GDPD3: variants seen among roughly 807,000 people sequenced by gnomAD.
GDPD3 encodes the protein lysophospholipase D GDPD3.
A neutral mutation model predicts 43.7 loss-of-function variants in GDPD3; 40 were observed. That is an observed-to-expected ratio of 0.91 (90% confidence interval 0.71 to 1.19). The LOEUF (loss-of-function observed/expected upper bound fraction) is 1.19, where lower values mean the gene tolerates loss of function less well. Among genes scored for constraint, GDPD3 ranks in the 50% most tolerant of loss-of-function variants. GDPD3 has a pLI of 0.00. For synonymous variants in GDPD3, 145 were observed against 162.9 expected (o/e 0.89, Z 0.84); for missense variants, 363 against 415.8 (o/e 0.87, Z 1.11).
chr16:30,110,328 G>A (rs1007018148), intron 7 of GDPD3, among the ~76,000 whole-genome samples: 9 of 152,062 alleles, frequency 5.9e-5, no homozygotes, highest in Admixed American at 4.6e-4. Context: ...CTACTCGGGA[G>A]GCTGAAGCAG....
In GDPD3 at chr16:30,112,926, C is replaced by A; in HGVS notation, c.182+96G>T. On this transcript the variant is annotated intron_variant, in intron 2 of 9. Transcript: ENST00000406256. This position sits in a 1 kb window ranked among gnomAD's most constrained non-coding sequence, Gnocchi z 5.4. ...CAGGCCACCTCCAGGGGGCGCCAGT[C>A]ACCCAGCTAGGAAGTGAATGGCGTC... is the stretch of plus-strand genomic sequence containing the variant. The A allele has an allele frequency of 1.3e-6, 2 of 1,493,846 alleles. No individual in the cohort carries two copies. Among genetic ancestry groups the A allele is most frequent in the Admixed American group, 1.8e-5 (1 of 56,348 alleles). 92.5% of individuals were successfully genotyped at this position (1,493,846 alleles called of 1,614,324 possible).
At chr16:30,111,215 A>G in intron 7 of GDPD3, 173 bp downstream of exon 7, 1 of 696,294 alleles carries the variant, frequency 1.4e-6, no homozygotes, top group Non-Finnish European at 2.5e-6. Flanking sequence ...ACAGAATTTC[A>G]GGGTGTTCAC....
chr16:30,111,350 A>G, intron 7 of GDPD3, 38 bp downstream of exon 7: 2 of 1,609,142 alleles, frequency 1.2e-6, no homozygotes, highest in Non-Finnish European at 1.7e-6. Flanking sequence ...GACCCTAAGC[A>G]GTGGGGAGTT....
At position 30,112,555 on chromosome 16, in the gene GDPD3, T is replaced by G. The variant is rs2072910551; in HGVS notation, c.332A>C (p.Tyr111Ser). 1 of 1,613,706 alleles carries G rather than the reference T, an allele frequency of 6.2e-7. No individual in the cohort carries two copies. Among genetic ancestry groups the G allele is most frequent in the Admixed American group, 1.7e-5 (1 of 59,956 alleles). Reference sequence around the variant, plus strand: ...GAAGTAAACCTCCAGCTTCTCCTTGTAGAGGGGCAGGTCCTGGGGAGGACA... The same window carrying G: ...GAAGTAAACCTCCAGCTTCTCCTTGGAGAGGGGCAGGTCCTGGGGAGGACA... ...GSLDFEDLPL[Y>S]KEKLEVYFSP... The change falls in exon 4 of 10, where the codon TAC (tyrosine) becomes TCC (serine). Residue 111 changes from tyrosine (Y) to serine (S), a missense_variant. By Grantham distance (144) the Tyr-to-Ser change is moderately radical. Coordinates refer to ENST00000406256, the MANE Select transcript of GDPD3 (RefSeq NM_024307.3). This position sits in a 1 kb window ranked among gnomAD's most constrained non-coding sequence, Gnocchi z 5.4.
chr16:30,111,385 T>TA lies in GDPD3; in HGVS notation c.707+2dup, dbSNP rs747199159. ...TTTTCTGAGGTCCGCCCCCCACTGG[T>TA]ACCTGTTGATGATGTTGGGCAGGAA... On this transcript the variant is annotated splice_region_variant and intron_variant, in intron 7 of 9. Transcript: ENST00000406256. The TA allele has an allele frequency of 1.2e-6, 2 of 1,613,566 alleles. No individual in the cohort carries two copies. Among genetic ancestry groups the TA allele is most frequent in the Non-Finnish European group, 1.7e-6 (2 of 1,179,822 alleles).
intron 9 of GDPD3, chr16:30,107,986 GACACACACAC>G (rs113091799): frequency 7.4e-5 from 20 of 269,188 alleles, no homozygotes; most frequent in Admixed American, 1.6e-4. Context: ...TGAGACTCTT[GACACACACAC>G]ACACACACAC....
intron 7 of GDPD3, among the ~76,000 whole-genome samples, chr16:30,109,028 C>T (rs2072880877): frequency 6.6e-6 from 1 of 152,076 alleles, no homozygotes; most frequent in South Asian, 2.1e-4. Flanking sequence ...GACAGGGTTT[C>T]ACCCTGTTAG....
At chr16:30,106,066 A>G (rs1471025047) in intron 9 of GDPD3, among the ~76,000 whole-genome samples, 2 of 151,990 alleles carry the variant, frequency 1.3e-5, no homozygotes, top group African/African-American at 4.8e-5. Flanking sequence ...AGCTGAGATC[A>G]CGCCATTGCA....
chr16:30,109,413 G>A (rs1292374309), intron 7 of GDPD3, among the ~76,000 whole-genome samples: 1 of 152,202 alleles, frequency 6.6e-6, no homozygotes, highest in Non-Finnish European at 1.5e-5. Flanking sequence ...GGAGGCTGAG[G>A]CAGGAGAATT....
intron 6 of GDPD3, 184 bp from the exon 7 acceptor site, chr16:30,111,705 G>A (rs1385193220): frequency 3.2e-6 from 2 of 618,668 alleles, no homozygotes; most frequent in Non-Finnish European, 2.8e-6. Flanking sequence ...GGCTGAGGCA[G>A]GTGGATCACC....
intron 9 of GDPD3, chr16:30,107,994 C>G: frequency 2.5e-6 from 1 of 394,410 alleles, no homozygotes; most frequent in Non-Finnish European, 4.6e-6. Flanking sequence ...TTGACACACA[C>G]ACACACACAC....
chr16:30,104,879 G>T lies in GDPD3; in HGVS notation c.950C>A (p.Thr317Asn). Residue 317 changes from threonine to asparagine, a missense_variant, in exon 10 of 10, where the codon ACC becomes AAC. Transcript: ENST00000406256. Reference sequence around the variant, plus strand: ...ACCTCGAGGCTTCTGGACTTAGGAGGTCCGGGCAGCTGGTCCATGGTTGTC... The same window carrying T: ...ACCTCGAGGCTTCTGGACTTAGGAGTTCCGGGCAGCTGGTCCATGGTTGTC... Reference protein sequence around the residue: ...YLDNHGPAARTS With the variant: ...YLDNHGPAARNS The T allele has an allele frequency of 6.2e-7, 1 of 1,612,470 alleles. No homozygotes were observed. Among genetic ancestry groups the T allele is most frequent in the Non-Finnish European group, 8.5e-7 (1 of 1,180,002 alleles).
rs751303893 is a variant in GDPD3, at chr16:30,113,524, C to T, written c.-46G>A. On this transcript the variant is annotated 5_prime_UTR_variant, in exon 1 of 10. Transcript: ENST00000406256. This position sits in a 1 kb window ranked among gnomAD's most constrained non-coding sequence, Gnocchi z 5.9. ...TCCTGCAGCCACACGCTCAGCCGTC[C>T]GCGGGACTGTGCTGCCTGCCTAGCC... 4.2e-5 allele frequency: 63 copies of T among 1,496,748 alleles called. No individual in the cohort carries two copies. In the East Asian group the frequency reaches 5.8e-4, roughly 14 times the overall value. 92.7% of individuals were successfully genotyped at this position (1,496,748 alleles called of 1,614,324 possible).
At chr16:30,108,495 G>A in intron 7 of GDPD3, 63 bp from the exon 8 acceptor site, 1 of 1,498,210 alleles carries the variant, frequency 6.7e-7, no homozygotes. Context: ...GGTGGGGTGG[G>A]CTGGTAGTGC....
intron 9 of GDPD3, among the ~76,000 whole-genome samples, chr16:30,106,338 G>T (rs376497139): frequency 6.6e-6 from 1 of 152,074 alleles, no homozygotes; most frequent in East Asian, 1.9e-4. Context: ...GCCAAGATGG[G>T]AGTATTTAAA....
chr16:30,108,567 A>G, intron 7 of GDPD3, 135 bp from the exon 8 acceptor site: 1 of 745,094 alleles, frequency 1.3e-6, no homozygotes. Context: ...TAACCTTTGT[A>G]GTTGCCCCAG....
chr16:30,111,925 T>C, intron 6 of GDPD3: 2 of 594,464 alleles, frequency 3.4e-6, no homozygotes, highest in East Asian at 2.8e-5. Context: ...AGAGAGAGAC[T>C]GTGTTTCAAA....
At position 30,112,156 on chromosome 16, in the gene GDPD3, C is replaced by T. The variant is rs150465018; in HGVS notation, c.549G>A (p.Ser183=). ...CGGCAGCCTTGCATTTCTTCATGAC[C>T]GAGCTCTTCTCCGAGGCCCAGATGG... ...EITIWASEKS[S]VMKKCKAANP... The change falls in exon 6 of 10, where the codon TCG becomes TCA. Residue 183 remains serine, a synonymous_variant. Transcript: ENST00000406256. This position sits in a 1 kb window ranked among gnomAD's most constrained non-coding sequence, Gnocchi z 5.4. 8 of 1,613,822 alleles carry T rather than the reference C, an allele frequency of 5.0e-6. No homozygotes were observed. The highest frequency in any genetic ancestry group is 2.7e-5 in the African/African-American group (2 of 74,898).
Position 30,105,106 on chromosome 16 carries a change from T to C in GDPD3, c.820-97A>G. The C allele has an allele frequency of 6.1e-6, 6 of 979,144 alleles. No individual in the cohort carries two copies. In the South Asian group the frequency reaches 9.1e-5, roughly 15 times the overall value. The allele number at this position is 979,144 out of a possible 1,614,324, so 60.7% of individuals were successfully genotyped here. A position where few individuals can be genotyped will look rare whatever the true frequency, so the allele number is the denominator to read the frequency against. ...CTCTATGGAGACTCCCCAGCAGCAG[T>C]AGGCTGGAGCTGATTGTTAAATTCT... On this transcript the variant is annotated intron_variant, in intron 9 of 9. Coordinates refer to ENST00000406256, the MANE Select transcript of GDPD3 (RefSeq NM_024307.3).
Sources: allele counts gnomAD v4.1 joint callset (sites outside exome capture counted in the v4.1 genomes callset), GRCh38; gene constraint gnomAD v4.1.1; non-coding constraint Gnocchi (gnomAD v3.1); transcripts MANE v1.5; gene names NCBI Gene and HGNC (gene_info 2026-07-23, HGNC 2026-07-21).